Variants in TET1 observed in about 807,000 individuals in gnomAD.
TET1 encodes the protein tet methylcytosine dioxygenase 1, also known as methylcytosine dioxygenase TET1.
A neutral mutation model predicts 148.7 loss-of-function variants in TET1; 13 were observed. The ratio of observed to expected loss-of-function variants is 0.09; its 90% CI spans 0.06 to 0.14. TET1 has a LOEUF of 0.14. Ranked by LOEUF, TET1 falls within the 10% of genes least tolerant of loss-of-function variation. The probability of loss-of-function intolerance (pLI) is 1.00; values close to 1 mark genes in which losing one functional copy is unlikely to be tolerated. For synonymous variants in TET1, 907 were observed against 937.2 expected (o/e 0.97, Z 0.59); for missense variants, 2,182 against 2,553.8 (o/e 0.85, Z 3.14).
chr10:68,601,702 C>G (rs185757419), intron 3 of TET1, among the ~76,000 whole-genome samples: 3 of 152,262 alleles, frequency 2.0e-5, no homozygotes, highest in Admixed American at 2.0e-4. Context: ...AATTTAAAAG[C>G]ATATGGCATC....
intron 8 of TET1, among the ~76,000 whole-genome samples, chr10:68,677,963 G>T (rs2055383830): frequency 6.6e-6 from 1 of 151,648 alleles, no homozygotes; most frequent in South Asian, 2.1e-4. Context: ...TTTTGAGAAG[G>T]GTTCTCACTC....
In TET1 at chr10:68,572,606, C is replaced by G. The variant is rs754538807; in HGVS notation, c.268C>G (p.Leu90Val). 5 of 1,614,164 alleles carry G rather than the reference C, an allele frequency of 3.1e-6. No homozygotes were observed. The South Asian group carries it at 5.5e-5, about 18-fold the overall frequency. Residue 90 changes from leucine to valine, a missense_variant, in exon 2 of 12, where the codon CTT becomes GTT. Around this residue, in one of 11 missense-constraint regions of TET1, gnomAD observed 665 missense variants for 672.4 expected, o/e 0.99. Coordinates refer to ENST00000373644, the MANE Select transcript of TET1 (RefSeq NM_030625.3). ...ARMNLDRTEV[L>V]FQNPESLTCN... ...CATGAATTTGGATAGGACTGAGGTTCTTTTTCAGAACCCAGAGTCCTTAAC... is the reference window on the plus strand; with the variant it reads ...CATGAATTTGGATAGGACTGAGGTTGTTTTTCAGAACCCAGAGTCCTTAAC...
Position 68,573,631 on chromosome 10 carries a change from C to T in TET1, c.1293C>T (p.Val431=). 1.9e-6 allele frequency: 3 copies of T among 1,614,174 alleles called. No individual in the cohort carries two copies. Among genetic ancestry groups the T allele is most frequent in the South Asian group, 1.1e-5 (1 of 91,074 alleles). Residue 431 remains valine (V), a synonymous_variant, in exon 2 of 12, where the codon GTC becomes GTT. Transcript: ENST00000373644. The part of the protein sequence containing the change: ...MSGSVVPDLP[V]FLPVPPNPIA... ...GGAGTGTTGTCCCAGACTTGCCTGT[C>T]TTCCTTCCTGTTCCTCCAAATCCAA...
rs780528931 is a variant in TET1, at chr10:68,572,540, G to A, written c.202G>A (p.Val68Met). 1.6e-5 allele frequency: 26 copies of A among 1,613,984 alleles called. No individual in the cohort carries two copies. Among genetic ancestry groups the A allele is most frequent in the East Asian group, 8.9e-5 (4 of 44,882 alleles). ...GAAAAAAACAGAACCTAAACCACCC[G>A]TGCCAGTCAGAAGCCTTCTGACAAG... ...VKKKTEPKPP[V>M]PVRSLLTRAG... Residue 68 changes from valine to methionine, a missense_variant, in exon 2 of 12, where the codon GTG (valine) becomes ATG (methionine). By Grantham distance (21) the Val-to-Met change is conservative. This residue lies in a region of TET1 where 665 missense variants were observed against 672.4 expected (regional missense o/e 0.99). Transcript: ENST00000373644.
chr10:68,576,303 G>A (rs10998295), intron 2 of TET1, among the ~76,000 whole-genome samples: 43,272 of 149,678 alleles, frequency 0.29, 7,626 homozygotes, highest in Middle Eastern at 0.43. Flanking sequence ...GCGAGTGGAG[G>A]TTGCGCCACT....
At chr10:68,595,615 T>C (rs889970765) in intron 2 of TET1, among the ~76,000 whole-genome samples, 17 of 119,060 alleles carry the variant, frequency 1.4e-4, no homozygotes, top group South Asian at 2.8e-4. Flanking sequence ...ACAGCTTCTT[T>C]TTTTTTTTTT....
chr10:68,581,722 A>G (rs552592090), intron 2 of TET1, among the ~76,000 whole-genome samples: 53 of 152,080 alleles, frequency 3.5e-4, no homozygotes, highest in African/African-American at 1.7e-4. Flanking sequence ...GCATGTGCCT[A>G]TAGTACCAGC....
intron 3 of TET1, among the ~76,000 whole-genome samples, chr10:68,605,375 C>T (rs779816345): frequency 1.3e-5 from 2 of 152,088 alleles, no homozygotes; most frequent in Middle Eastern, 3.4e-3. Context: ...CGGGAGGCTG[C>T]GGTAGGAGAA....
chr10:68,649,846 C>T (rs1264553407), intron 4 of TET1, among the ~76,000 whole-genome samples: 1 of 152,122 alleles, frequency 6.6e-6, no homozygotes, highest in Non-Finnish European at 1.5e-5. Flanking sequence ...TAAATACCTG[C>T]AGGGGACTCA....
chr10:68,569,935 G>A (rs942751467), intron 1 of TET1, among the ~76,000 whole-genome samples: 5 of 151,978 alleles, frequency 3.3e-5, no homozygotes, highest in African/African-American at 1.2e-4. Context: ...TGAATCTAAG[G>A]TTTAAAGGAT....
rs965106789 is a variant in TET1, at chr10:68,572,112, T to A, written c.-122-105T>A. 6 of 454,050 alleles carry A rather than the reference T, an allele frequency of 1.3e-5. No homozygotes were observed. The Admixed American group carries it at 2.0e-4, about 15-fold the overall frequency. The allele number at this position is 454,050 out of a possible 1,614,324, so 28.1% of individuals were successfully genotyped here. A position where few individuals can be genotyped will look rare whatever the true frequency, so the allele number is the denominator to read the frequency against. ...CAGCCTGGGCAACAGAATGAGACCC[T>A]GTCTCAAAAAAATAAAATAAAACAA... On this transcript the variant is annotated intron_variant, in intron 1 of 11. Transcript: ENST00000373644.
At chr10:68,566,487 CT>C (rs201703777) in intron 1 of TET1, among the ~76,000 whole-genome samples, 2,593 of 143,964 alleles carry the variant, frequency 0.018, 58 homozygotes, top group African/African-American at 0.055. Context: ...CAAGCCAAAA[CT>C]TTTTTTTTTT....
intron 8 of TET1, among the ~76,000 whole-genome samples, chr10:68,676,219 TA>T (rs2055348645): frequency 7.6e-6 from 1 of 130,782 alleles, no homozygotes; most frequent in Admixed American, 8.1e-5. Context: ...TATATACACA[TA>T]TATATGTATG....
At chr10:68,686,194 G>A (rs1235427319) in intron 10 of TET1, among the ~76,000 whole-genome samples, 162 bp from the exon 11 acceptor site, 3 of 152,020 alleles carry the variant, frequency 2.0e-5, no homozygotes, top group African/African-American at 7.2e-5. Context: ...AACAGAGTTG[G>A]GTGGCTTGAT....
chr10:68,630,672 G>C (rs1399249242), intron 3 of TET1, among the ~76,000 whole-genome samples: 1 of 152,148 alleles, frequency 6.6e-6, no homozygotes, highest in African/African-American at 2.4e-5. Context: ...ACTGAGTTTG[G>C]AATTCAGGAG....
chr10:68,593,913 C>CAATTT (rs2053948084), intron 2 of TET1, among the ~76,000 whole-genome samples: 1 of 55,970 alleles, frequency 1.8e-5, no homozygotes. Context: ...TGCGCCTGAG[C>CAATTT]TATTTTTTTT....
chr10:68,679,054 G>A lies in TET1; in HGVS notation c.4825-2345G>A, dbSNP rs113559518. Among the ~76,000 whole-genome samples, 953 of 152,186 alleles carry A rather than the reference G, an allele frequency of 6.3e-3. 12 individuals are homozygous for A. The highest frequency in any genetic ancestry group is 0.022 in the African/African-American group (907 of 41,530). Reference sequence around the variant, plus strand: ...TATCCGGGCGTGGTGGCTCATGCTTGTAATTCCAGCTACTCAGGAGGCTGA... The same window carrying A: ...TATCCGGGCGTGGTGGCTCATGCTTATAATTCCAGCTACTCAGGAGGCTGA... On this transcript the variant is annotated intron_variant, in intron 8 of 11. Transcript: ENST00000373644.
intron 3 of TET1, among the ~76,000 whole-genome samples, chr10:68,628,011 TG>T (rs917491001): frequency 3.9e-5 from 6 of 151,944 alleles, no homozygotes; most frequent in Non-Finnish European, 8.8e-5. Flanking sequence ...TTATTATTTT[TG>T]GGGGGGACAG....
chr10:68,693,331 T>G lies in TET1; in HGVS notation c.*1517T>G, dbSNP rs906251103. 1 of 233,282 alleles carries G rather than the reference T, an allele frequency of 4.3e-6. No homozygotes were observed. Among genetic ancestry groups the G allele is most frequent in the Non-Finnish European group, 8.5e-6 (1 of 117,860 alleles). The allele number at this position is 233,282 out of a possible 1,614,324, so 14.5% of individuals were successfully genotyped here. ...TATAACATTCAAAGTGTCAGATTCCTTGGGAGTATGGAAAACCTAATGGTG... is the reference window on the plus strand; with the variant it reads ...TATAACATTCAAAGTGTCAGATTCCGTGGGAGTATGGAAAACCTAATGGTG... On this transcript the variant is annotated 3_prime_UTR_variant, in exon 12 of 12. Transcript: ENST00000373644.
Sources: gnomAD v4.1 joint callset for allele counts (sites outside exome capture counted in the v4.1 genomes callset) on GRCh38, gnomAD v4.1.1 for gene constraint, gnomAD v4.1.1 regional missense constraint, MANE v1.5 for transcripts, NCBI Gene and HGNC (gene_info 2026-07-23, HGNC 2026-07-21) for gene names.